Variants in CCNT2 observed in about 807,000 individuals in gnomAD.
CCNT2 encodes the protein cyclin T2.
In CCNT2, 18 loss-of-function variants were observed where a neutral mutation model predicts 70.0. That is an observed-to-expected ratio of 0.26 (90% CI 0.18 to 0.38). The LOEUF is 0.38. Ranked by LOEUF, CCNT2 falls within the 10% of genes least tolerant of loss-of-function variation. CCNT2 has a pLI of 1.00. For missense variants in CCNT2, 734 were observed against 890.2 expected (o/e 0.82, Z 2.23); for synonymous variants, 334 against 313.3 (o/e 1.07, Z -0.70).
At chr2:134,931,281 T>TTTTTTTTTTTTTTC in intron 2 of CCNT2, among the ~76,000 whole-genome samples, 1 of 142,640 alleles carries the variant, frequency 7.0e-6, no homozygotes. Flanking sequence ...TTTTTTTTTT[T>TTTTTTTTTTTTTTC]TTTTTTGGTA....
chr2:134,921,202 G>A (rs758251588), intron 2 of CCNT2, among the ~76,000 whole-genome samples: 10 of 152,120 alleles, frequency 6.6e-5, no homozygotes, highest in African/African-American at 1.7e-4. Flanking sequence ...CATTCCTTAC[G>A]TAACCCTGGA....
intron 3 of CCNT2, among the ~76,000 whole-genome samples, chr2:134,938,241 G>A (rs574832218): frequency 6.6e-6 from 1 of 152,224 alleles, no homozygotes; most frequent in East Asian, 1.9e-4. Flanking sequence ...ACCTTTCAAA[G>A]TAGAGCATAA....
chr2:134,950,526 A>G (rs1682408707), intron 7 of CCNT2, among the ~76,000 whole-genome samples: 1 of 152,074 alleles, frequency 6.6e-6, no homozygotes, highest in South Asian at 2.1e-4. Flanking sequence ...AGACCCAACT[A>G]CTGTGGAGGC....
chr2:134,925,136 T>C (rs1680194380), intron 2 of CCNT2, among the ~76,000 whole-genome samples: 1 of 152,340 alleles, frequency 6.6e-6, no homozygotes, highest in East Asian at 1.9e-4. Flanking sequence ...TGTCTCTCTT[T>C]GTAGTGTTAG....
At chr2:134,944,607 T>G (rs1681813525) in intron 5 of CCNT2, 2 of 978,530 alleles carry the variant, frequency 2.0e-6, no homozygotes, top group Non-Finnish European at 2.4e-6. Flanking sequence ...TAGACCAGAT[T>G]ATTTGTTGTT....
chr2:134,933,377 C>A (rs1680921876), intron 2 of CCNT2, among the ~76,000 whole-genome samples: 3 of 152,190 alleles, frequency 2.0e-5, no homozygotes, highest in South Asian at 4.1e-4. Context: ...TTTGTTAACT[C>A]AGCCTGACCT....
chr2:134,944,205 A>T (rs190826126), intron 5 of CCNT2: 223 of 981,284 alleles, frequency 2.3e-4, no homozygotes, highest in East Asian at 1.1e-4. Flanking sequence ...ATAGAATTAT[A>T]TGCATAACTA....
At chr2:134,931,260 A>ATTTTTTTTTT (rs1351628226) in intron 2 of CCNT2, among the ~76,000 whole-genome samples, 2 of 42,964 alleles carry the variant, frequency 4.7e-5, no homozygotes, top group South Asian at 1.3e-3. Context: ...CCATGCCCGG[A>ATTTTTTTTTT]TCTTTTTTTT....
intron 4 of CCNT2, 123 bp from the exon 5 acceptor site, chr2:134,942,489 T>C: frequency 2.1e-6 from 1 of 473,142 alleles, no homozygotes; most frequent in Non-Finnish European, 3.7e-6. Flanking sequence ...AGAATGTCAG[T>C]GATGAGAAAC....
chr2:134,946,970 A>G (rs907068495), intron 6 of CCNT2, among the ~76,000 whole-genome samples: 2 of 152,206 alleles, frequency 1.3e-5, no homozygotes, highest in Non-Finnish European at 2.9e-5. Flanking sequence ...AAATACTGCT[A>G]TATTTTCTCA....
chr2:134,943,774 G>T (rs1286698886), intron 5 of CCNT2: 2 of 985,112 alleles, frequency 2.0e-6, no homozygotes, highest in Non-Finnish European at 2.4e-6. Flanking sequence ...AAGTGTTAAT[G>T]TATTCATAGC....
chr2:134,957,474 A>G lies in CCNT2; in HGVS notation c.*2826A>G, dbSNP rs1356369843. 1.3e-5 allele frequency: 2 copies of G among 152,202 alleles called. No individual in the cohort carries two copies. Among genetic ancestry groups the G allele is most frequent in the African/African-American group, 2.4e-5 (1 of 41,454 alleles). 9.4% of individuals were successfully genotyped at this position (152,202 alleles called of 1,614,324 possible). On this transcript the variant is annotated 3_prime_UTR_variant, in exon 9 of 9. Coordinates refer to ENST00000264157, the MANE Select transcript of CCNT2 (RefSeq NM_058241.3). ...TGATTTGTTACCTTTACACAGAAGCACATTGCAAAGAAAGGCTTTATTTCT... is the reference window on the plus strand; with the variant it reads ...TGATTTGTTACCTTTACACAGAAGCGCATTGCAAAGAAAGGCTTTATTTCT...
At chr2:134,931,289 G>GTTTTTTTTTTTTTTTTTTTTTTTTTTTTT (rs1449427550) in intron 2 of CCNT2, among the ~76,000 whole-genome samples, 5 of 52,862 alleles carry the variant, frequency 9.5e-5, no homozygotes, top group Admixed American at 2.7e-4. Context: ...TTTTTTTTTG[G>GTTTTTTTTTTTTTTTTTTTTTTTTTTTTT]TATTTGAATA....
At chr2:134,920,637 G>A (rs1679831957) in intron 2 of CCNT2, among the ~76,000 whole-genome samples, 1 of 152,164 alleles carries the variant, frequency 6.6e-6, no homozygotes, top group South Asian at 2.1e-4. Context: ...TGTTGTGTGT[G>A]TTAAAGAAAA....
At position 134,919,861 on chromosome 2, in the gene CCNT2, G is replaced by A; in HGVS notation, c.210G>A (p.Met70Ile). 6.2e-7 allele frequency: 1 copy of A among 1,612,454 alleles called. No homozygotes were observed. The highest frequency in any genetic ancestry group is 8.5e-7 in the Non-Finnish European group (1 of 1,179,246). Residue 70 changes from methionine (M) to isoleucine (I), a missense_variant, in exon 2 of 9, where the codon ATG (methionine) becomes ATA (isoleucine). By Grantham distance (10) the Met-to-Ile change is conservative. This residue lies in a region of CCNT2 where 161 missense variants were observed against 303.8 expected (regional missense o/e 0.53). Coordinates refer to ENST00000264157, the MANE Select transcript of CCNT2 (RefSeq NM_058241.3). ...TAIVYMHRFY[M>I]HHSFTKFNKN... ...TTGTTTATATGCACAGGTTTTATAT[G>A]CACCATTCTTTCACCAAATTCAACA...
At chr2:134,921,659 C>T (rs1679917697) in intron 2 of CCNT2, among the ~76,000 whole-genome samples, 1 of 152,128 alleles carries the variant, frequency 6.6e-6, no homozygotes, top group East Asian at 1.9e-4. Flanking sequence ...CGGCCATCTT[C>T]ACTTCTTTGT....
intron 4 of CCNT2, among the ~76,000 whole-genome samples, chr2:134,940,774 A>G (rs933259926): frequency 6.6e-6 from 1 of 152,234 alleles, no homozygotes; most frequent in Non-Finnish European, 1.5e-5. Context: ...GATTAATACC[A>G]TGGGACCCAT....
intron 1 of CCNT2, among the ~76,000 whole-genome samples, 190 bp from the exon 2 acceptor site, chr2:134,919,620 C>T (rs1467883647): frequency 2.0e-5 from 3 of 152,140 alleles, no homozygotes; most frequent in African/African-American, 4.8e-5. Context: ...TTCTTATTCC[C>T]ATTTATTTGG....
intron 2 of CCNT2, among the ~76,000 whole-genome samples, chr2:134,927,526 A>G (rs1457647437): frequency 6.6e-6 from 1 of 152,196 alleles, no homozygotes; most frequent in Non-Finnish European, 1.5e-5. Flanking sequence ...TTAGGTGTAT[A>G]GAGTAGAATA....
Sources: gnomAD v4.1 joint callset for allele counts (sites outside exome capture counted in the v4.1 genomes callset) on GRCh38, gnomAD v4.1.1 for gene constraint, gnomAD v4.1.1 regional missense constraint, MANE v1.5 for transcripts, NCBI Gene and HGNC (gene_info 2026-07-23, HGNC 2026-07-21) for gene names.